Variants in KCNB2 observed in about 807,000 individuals in gnomAD.
The protein encoded by KCNB2 is potassium voltage-gated channel subfamily B member 2.
In KCNB2, 15 loss-of-function variants were observed where a neutral mutation model predicts 61.5. The ratio of observed to expected loss-of-function variants is 0.24; its 90% CI spans 0.16 to 0.38. The LOEUF is 0.38. Ranked by LOEUF, KCNB2 falls within the 10% of genes least tolerant of loss-of-function variation. The pLI, the probability that KCNB2 is intolerant of heterozygous loss-of-function variation, is 1.00. For missense variants in KCNB2, 828 were observed against 1,125.2 expected (o/e 0.74, Z 3.78); for synonymous variants, 457 against 446.0 (o/e 1.02, Z -0.31).
At chr8:72,559,007 C>T (rs1313443857) in intron 1 of KCNB2, among the ~76,000 whole-genome samples, 2 of 150,334 alleles carry the variant, frequency 1.3e-5, no homozygotes, top group East Asian at 3.9e-4. Context: ...GGATCTACAA[C>T]AGAGAGAGAG....
At chr8:72,774,208 C>A (rs1426491996) in intron 2 of KCNB2, among the ~76,000 whole-genome samples, 1 of 152,038 alleles carries the variant, frequency 6.6e-6, no homozygotes, top group Non-Finnish European at 1.5e-5. Flanking sequence ...AGTATTGAAG[C>A]CCAGGCAACC....
intron 2 of KCNB2, among the ~76,000 whole-genome samples, chr8:72,860,046 G>A (rs1810275080): frequency 6.6e-6 from 1 of 152,208 alleles, no homozygotes; most frequent in African/African-American, 2.4e-5. Flanking sequence ...CAAGCAATAT[G>A]CCATTGCATA....
chr8:72,725,034 T>G (rs1266875443), intron 2 of KCNB2, among the ~76,000 whole-genome samples: 1 of 152,172 alleles, frequency 6.6e-6, no homozygotes, highest in African/African-American at 2.4e-5. Context: ...GGTTTAGTTC[T>G]CTTTACATCT....
At chr8:72,897,403 A>G (rs947366554) in intron 2 of KCNB2, among the ~76,000 whole-genome samples, 31 of 152,172 alleles carry the variant, frequency 2.0e-4, no homozygotes, top group African/African-American at 7.2e-4. Flanking sequence ...TCAAATTCAG[A>G]AAACCAAGTT....
At chr8:72,890,475 C>T (rs73315093) in intron 2 of KCNB2, among the ~76,000 whole-genome samples, 3,772 of 152,320 alleles carry the variant, frequency 0.025, 155 homozygotes, top group African/African-American at 0.086. Context: ...ACATCAGCTG[C>T]AGCTGCCTTC....
At chr8:72,919,123 T>C (rs1185185999) in intron 2 of KCNB2, among the ~76,000 whole-genome samples, 1 of 152,244 alleles carries the variant, frequency 6.6e-6, no homozygotes, top group Non-Finnish European at 1.5e-5. Context: ...TGTTTATATA[T>C]GTAAATGCAT....
chr8:72,704,517 G>GTGTGTGTA (rs1807186836), intron 2 of KCNB2, among the ~76,000 whole-genome samples: 1 of 93,376 alleles, frequency 1.1e-5, no homozygotes, highest in South Asian at 3.1e-4. Flanking sequence ...GTGTGTGTGT[G>GTGTGTGTA]TGTGTGTGTG....
chr8:72,774,899 C>A (rs1389293227), intron 2 of KCNB2, among the ~76,000 whole-genome samples: 1 of 151,966 alleles, frequency 6.6e-6, no homozygotes, highest in Non-Finnish European at 1.5e-5. Context: ...ATCTCCTGGG[C>A]TCCAGAGACA....
At chr8:72,581,890 C>A (rs1806903941) in intron 2 of KCNB2, among the ~76,000 whole-genome samples, 2 of 152,196 alleles carry the variant, frequency 1.3e-5, no homozygotes, top group Admixed American at 6.5e-5. Context: ...GCTCTGGGAA[C>A]TCTTGTCATA....
At chr8:72,560,326 T>G (rs970849542) in intron 1 of KCNB2, among the ~76,000 whole-genome samples, 3 of 152,222 alleles carry the variant, frequency 2.0e-5, no homozygotes, top group Non-Finnish European at 2.9e-5. Context: ...AGAGGCTAAG[T>G]CTATCTTATG....
intron 2 of KCNB2, among the ~76,000 whole-genome samples, chr8:72,737,984 TG>T (rs1191990167): frequency 1.3e-5 from 2 of 152,148 alleles, no homozygotes; most frequent in African/African-American, 4.8e-5. Flanking sequence ...CCTTGCACCA[TG>T]CATGTATAAT....
At chr8:72,928,116 A>G (rs1322752155) in intron 2 of KCNB2, among the ~76,000 whole-genome samples, 1 of 152,056 alleles carries the variant, frequency 6.6e-6, no homozygotes, top group Admixed American at 6.6e-5. Flanking sequence ...TTCTCCCTCA[A>G]GTTTTCATGA....
At chr8:72,894,742 T>G (rs2129006134) in intron 2 of KCNB2, among the ~76,000 whole-genome samples, 1 of 152,284 alleles carries the variant, frequency 6.6e-6, no homozygotes, top group Admixed American at 6.5e-5. Context: ...TTTAAGCAGT[T>G]CTCCATCACC....
At chr8:72,658,361 C>T (rs536348745) in intron 2 of KCNB2, among the ~76,000 whole-genome samples, 21 of 152,220 alleles carry the variant, frequency 1.4e-4, no homozygotes, top group African/African-American at 4.8e-4. Context: ...TAATCCAGAG[C>T]GAGGTCCTAA....
intron 2 of KCNB2, among the ~76,000 whole-genome samples, chr8:72,934,937 C>T (rs983956942): frequency 1.1e-4 from 16 of 152,056 alleles, no homozygotes; most frequent in Admixed American, 6.5e-5. Context: ...TACAGATATT[C>T]CACATACCTG....
chr8:72,657,621 A>C (rs187735729), intron 2 of KCNB2, among the ~76,000 whole-genome samples: 1 of 152,192 alleles, frequency 6.6e-6, no homozygotes. Flanking sequence ...ATACAATTCT[A>C]TCCAGTTTCC....
chr8:72,923,813 T>A (rs1806580581), intron 2 of KCNB2, among the ~76,000 whole-genome samples: 1 of 152,172 alleles, frequency 6.6e-6, no homozygotes, highest in Non-Finnish European at 1.5e-5. Context: ...CCCCTAACAT[T>A]ATATAGTAGT....
At chr8:72,882,297 A>C (rs2129005210) in intron 2 of KCNB2, among the ~76,000 whole-genome samples, 1 of 152,250 alleles carries the variant, frequency 6.6e-6, no homozygotes, top group South Asian at 2.1e-4. Context: ...TTATAAAGGA[A>C]CTGGAAAAAC....
At chr8:72,860,151 G>A (rs745967670) in intron 2 of KCNB2, among the ~76,000 whole-genome samples, 10 of 152,140 alleles carry the variant, frequency 6.6e-5, no homozygotes, top group Non-Finnish European at 7.4e-5. Context: ...CAACATTTAC[G>A]TACAAGTTTT....
Sources: allele counts gnomAD v4.1 joint callset (sites outside exome capture counted in the v4.1 genomes callset), GRCh38; gene constraint gnomAD v4.1.1; transcripts MANE v1.5; gene names NCBI Gene and HGNC (gene_info 2026-07-23, HGNC 2026-07-21).